Variants in TFF2 observed in about 807,000 individuals in gnomAD.
TFF2 encodes trefoil factor 2.
In TFF2, 19 loss-of-function variants were observed where a neutral mutation model predicts 16.0. The ratio of observed to expected loss-of-function variants is 1.19; its 90% CI spans 0.83 to 1.74. The LOEUF is 1.74. Ranked by LOEUF, TFF2 falls within the 40% of genes most tolerant of loss-of-function variation. TFF2 has a pLI of 0.00. For synonymous variants in TFF2, 61 were observed against 65.4 expected (o/e 0.93, Z 0.32); for missense variants, 168 against 166.8 (o/e 1.01, Z -0.04).
Position 42,347,596 on chromosome 21 carries a change from C to T in TFF2, c.266G>A (p.Arg89Lys), listed in dbSNP as rs2052079700. 1 of 1,614,122 alleles carries T rather than the reference C, an allele frequency of 6.2e-7. No homozygotes were observed. Among genetic ancestry groups the T allele is most frequent in the Middle Eastern group, 1.6e-4 (1 of 6,084 alleles). ...DQCVMEVSDR[R>K]NCGYPGISPE... is the part of the protein sequence containing the mutation. ...GCTGATGCCCGGGTAGCCACAGTTTCTTCGGTCTGAGACCTCCATGACGCA... is the reference window on the plus strand; with the variant it reads ...GCTGATGCCCGGGTAGCCACAGTTTTTTCGGTCTGAGACCTCCATGACGCA... Residue 89 changes from arginine (R) to lysine (K), a missense_variant, in exon 3 of 4, where the codon AGA becomes AAA. Physicochemically the swap from Arg to Lys is conservative, Grantham distance 26 (BLOSUM62 2). Coordinates refer to ENST00000291526, the MANE Select transcript of TFF2 (RefSeq NM_005423.5).
Position 42,346,526 on chromosome 21 carries a change from G to C in TFF2, c.*7C>G. On this transcript the variant is annotated 3_prime_UTR_variant, in exon 4 of 4. Coordinates refer to ENST00000291526, the MANE Select transcript of TFF2 (RefSeq NM_005423.5). ...GAGCCAGATGCATCCTCTGGAACCAGCCTCTCTTAGTAATGGCAGTCTAGA... is the reference window on the plus strand; with the variant it reads ...GAGCCAGATGCATCCTCTGGAACCACCCTCTCTTAGTAATGGCAGTCTAGA... 1 of 1,607,362 alleles carries C rather than the reference G, an allele frequency of 6.2e-7. No individual in the cohort carries two copies. Among genetic ancestry groups the C allele is most frequent in the South Asian group, 1.1e-5 (1 of 89,140 alleles).
chr21:42,350,822 T>C (rs1426193556), intron 1 of TFF2, 57 bp downstream of exon 1: 5 of 1,534,210 alleles, frequency 3.3e-6, no homozygotes, highest in Admixed American at 2.1e-5. Context: ...TTGTGCTTTT[T>C]TTTTTTCTTT....
Position 42,347,650 on chromosome 21 carries a change from C to T in TFF2, c.230-18G>A, listed in dbSNP as rs2052080294. The T allele has an allele frequency of 6.2e-7, 1 of 1,612,646 alleles. No homozygotes were observed. The highest frequency in any genetic ancestry group is 8.5e-7 in the Non-Finnish European group (1 of 1,179,582). On this transcript the variant is annotated intron_variant, in intron 2 of 3. Coordinates refer to ENST00000291526, the MANE Select transcript of TFF2 (RefSeq NM_005423.5). ...ATCCGACTCTGCCATGGGACAGGCA[C>T]AGCACCGAGACCCAGTCAGGCCTGC...
At position 42,347,543 on chromosome 21, in the gene TFF2, A is replaced by G; in HGVS notation, c.319T>C (p.Cys107Arg). The change falls in exon 3 of 4, where the codon TGC becomes CGC. Residue 107 changes from cysteine (C) to arginine (R), a missense_variant. Coordinates refer to ENST00000291526, the MANE Select transcript of TFF2 (RefSeq NM_005423.5). The stretch of plus-strand genomic sequence containing the variant: ...ACTTCAAAGATGAAGTTGGAGAAGC[A>G]GCACTTCCGAGAGGCGCATTCCTCG... ...SPEECASRKC[C>R]FSNFIFEVPW... 1.2e-6 allele frequency: 2 copies of G among 1,614,208 alleles called. No homozygotes were observed. Among genetic ancestry groups the G allele is most frequent in the Non-Finnish European group, 1.7e-6 (2 of 1,180,024 alleles).
intron 2 of TFF2, among the ~76,000 whole-genome samples, chr21:42,348,816 G>A (rs1360603173): frequency 1.3e-5 from 2 of 151,648 alleles, no homozygotes; most frequent in Non-Finnish European, 2.9e-5. Flanking sequence ...TAAACAACCT[G>A]GGCTACCTCT....
At chr21:42,346,587 G>A in intron 3 of TFF2, 41 bp from the exon 4 acceptor site, 2 of 1,583,452 alleles carry the variant, frequency 1.3e-6, no homozygotes, top group African/African-American at 1.4e-5. Context: ...GGGAACCCCA[G>A]AAATGGGAGT....
At chr21:42,350,752 T>G (rs542187856) in intron 1 of TFF2, 127 bp downstream of exon 1, 100 of 1,005,056 alleles carry the variant, frequency 9.9e-5, no homozygotes, top group Non-Finnish European at 1.4e-4. Context: ...AAATCCCATG[T>G]GAACAACACA....
At chr21:42,350,133 G>C in intron 1 of TFF2, 103 bp from the exon 2 acceptor site, 1 of 1,431,188 alleles carries the variant, frequency 7.0e-7, no homozygotes, top group Non-Finnish European at 9.2e-7. Flanking sequence ...TTGCCACATA[G>C]AGAAACACAA....
At chr21:42,350,388 C>T (rs1452314042) in intron 1 of TFF2, 3 of 196,196 alleles carry the variant, frequency 1.5e-5, no homozygotes, top group South Asian at 1.5e-4. Flanking sequence ...AAAAAATTGG[C>T]CGGGCATGAT....
rs1669697535 is a variant in TFF2 at position 42,347,485 on chromosome 21, C to T, written c.376+1G>A. ...GACAGAGAGTCCCACAGCGACGTTA[C>T]CTTCCACAGACTTCGGGAAGAAGCA... is the stretch of plus-strand genomic sequence containing the variant. On this transcript the variant is annotated splice_donor_variant, in intron 3 of 3. Transcript: ENST00000291526. LOFTEE classifies it high-confidence loss of function. The T allele has an allele frequency of 2.5e-6, 4 of 1,614,142 alleles. No homozygotes were observed. The highest frequency in any genetic ancestry group is 3.4e-6 in the Non-Finnish European group (4 of 1,179,994).
intron 2 of TFF2, among the ~76,000 whole-genome samples, chr21:42,349,293 C>A (rs1172975101): frequency 6.6e-6 from 1 of 151,262 alleles, no homozygotes; most frequent in African/African-American, 2.4e-5. Flanking sequence ...GGCTACTAGC[C>A]CCAGACTAAT....
Position 42,346,545 on chromosome 21 carries a change from G to A in TFF2, c.378C>T (p.Asp126=). 2.5e-6 allele frequency: 4 copies of A among 1,598,574 alleles called. No homozygotes were observed. The South Asian group carries it at 4.6e-5, about 18-fold the overall frequency. ...PWCFFPKSVE[D]CHY Reference sequence around the variant, plus strand: ...GAACCAGCCTCTCTTAGTAATGGCAGTCTAGAAGTTTAAATGCAAGATGGT... The same window carrying A: ...GAACCAGCCTCTCTTAGTAATGGCAATCTAGAAGTTTAAATGCAAGATGGT... Residue 126 remains aspartate (D), a splice_region_variant and synonymous_variant, in exon 4 of 4, where the codon GAC becomes GAT. Coordinates refer to ENST00000291526, the MANE Select transcript of TFF2 (RefSeq NM_005423.5).
chr21:42,350,979 G>A lies in TFF2; in HGVS notation c.-22C>T, dbSNP rs1336081877. On this transcript the variant is annotated 5_prime_UTR_variant, in exon 1 of 4. Transcript: ENST00000291526. ...CCATGTCTAGCTCAGCTGCACCCCA[G>A]GGTGGCTTGCAGAATGCATGGTGTC... is the stretch of plus-strand genomic sequence containing the variant. The A allele has an allele frequency of 3.7e-6, 6 of 1,610,572 alleles. No homozygotes were observed. Among genetic ancestry groups the A allele is most frequent in the Non-Finnish European group, 5.1e-6 (6 of 1,178,648 alleles).
chr21:42,350,849 G>A, intron 1 of TFF2, 30 bp downstream of exon 1: 1 of 1,573,272 alleles, frequency 6.4e-7, no homozygotes, highest in Non-Finnish European at 8.6e-7. Context: ...AATAAAGAAA[G>A]CACATAAAAA....
intron 2 of TFF2, among the ~76,000 whole-genome samples, chr21:42,347,897 G>A (rs1224048132): frequency 2.6e-5 from 4 of 152,208 alleles, no homozygotes; most frequent in Admixed American, 2.0e-4. Context: ...GCCCATGTGG[G>A]GTGGTCACAG....
At chr21:42,349,859 G>A (rs2146394473) in intron 2 of TFF2, 22 bp downstream of exon 2, 4 of 1,575,720 alleles carry the variant, frequency 2.5e-6, no homozygotes, top group Non-Finnish European at 3.5e-6. Context: ...TGCTGGCCCA[G>A]GAAGATTCCC....
Position 42,347,557 on chromosome 21 carries a change from G to A in TFF2, c.305C>T (p.Ala102Val), listed in dbSNP as rs763135361. 6.2e-6 allele frequency: 10 copies of A among 1,614,084 alleles called. No individual in the cohort carries two copies. In the Admixed American group the frequency reaches 6.7e-5, roughly 11 times the overall value. ...GYPGISPEEC[A>V]SRKCCFSNFI... ...GTTGGAGAAGCAGCACTTCCGAGAGGCGCATTCCTCGGGGCTGATGCCCGG... is the reference window on the plus strand; with the variant it reads ...GTTGGAGAAGCAGCACTTCCGAGAGACGCATTCCTCGGGGCTGATGCCCGG... Residue 102 changes from alanine to valine, a missense_variant, in exon 3 of 4, where the codon GCC (alanine) becomes GTC (valine). Physicochemically the swap from Ala to Val is moderately conservative, Grantham distance 64 (BLOSUM62 0). Transcript: ENST00000291526.
At chr21:42,349,737 A>G in intron 2 of TFF2, 144 bp downstream of exon 2, 1 of 829,682 alleles carries the variant, frequency 1.2e-6, no homozygotes, top group Non-Finnish European at 1.8e-6. Context: ...AGACTAACCA[A>G]CCGGGGCTAG....
rs1447734244 is a variant in TFF2, at chr21:42,346,541, G to A, written c.382C>T (p.His128Tyr). ...CFFPKSVEDC[H>Y]Y ...TCTGGAACCAGCCTCTCTTAGTAAT[G>A]GCAGTCTAGAAGTTTAAATGCAAGA... The change falls in exon 4 of 4, where the codon CAT becomes TAT. Residue 128 changes from histidine (H) to tyrosine (Y), a missense_variant. Transcript: ENST00000291526. 1.2e-6 allele frequency: 2 copies of A among 1,603,904 alleles called. No individual in the cohort carries two copies. Among genetic ancestry groups the A allele is most frequent in the South Asian group, 1.1e-5 (1 of 88,378 alleles).
Sources: allele counts gnomAD v4.1 joint callset (sites outside exome capture counted in the v4.1 genomes callset), GRCh38; gene constraint gnomAD v4.1.1; transcripts MANE v1.5; gene names NCBI Gene and HGNC (gene_info 2026-07-23, HGNC 2026-07-21).